The following MTMR6 variants were observed in gnomAD, a reference collection of about 807,000 sequenced individuals.
The protein encoded by MTMR6 is phosphatidylinositol-3,5-bisphosphate 3-phosphatase MTMR6.
In MTMR6, 47 loss-of-function variants were observed where a neutral mutation model predicts 80.1. That is an observed-to-expected ratio of 0.59 (90% CI 0.46 to 0.75). The LOEUF (loss-of-function observed/expected upper bound fraction) is 0.75, where lower values mean the gene tolerates loss of function less well. Among genes scored for constraint, MTMR6 ranks in the 30% least tolerant of loss-of-function variants. MTMR6 has a pLI of 0.00. For synonymous variants in MTMR6, 254 were observed against 253.0 expected (o/e 1.00, Z -0.04); for missense variants, 629 against 730.9 (o/e 0.86, Z 1.61).
chr13:25,275,928 G>C (rs1191590311), intron 1 of MTMR6, among the ~76,000 whole-genome samples: 2 of 149,840 alleles, frequency 1.3e-5, no homozygotes, highest in Non-Finnish European at 3.0e-5. Context: ...GAGGGGAGAG[G>C]AAGGCTTTCT....
intron 2 of MTMR6, 118 bp downstream of exon 2, chr13:25,273,953 A>ATT: frequency 1.5e-6 from 1 of 681,602 alleles, no homozygotes; most frequent in Non-Finnish European, 2.5e-6. Flanking sequence ...ACCAAAAAAT[A>ATT]TTTTGGTTGA....
Position 25,257,723 on chromosome 13 carries a change from G to A in MTMR6, c.969+13C>T, listed in dbSNP as rs369050523. 25 of 1,579,804 alleles carry A rather than the reference G, an allele frequency of 1.6e-5. No individual in the cohort carries two copies. Among genetic ancestry groups the A allele is most frequent in the Non-Finnish European group, 2.1e-5 (24 of 1,150,236 alleles). ...ATAGACCCCAAGACCAAATATGAAAGATAAAGTATTACTTTGGCCAAGAAG... is the reference window on the plus strand; with the variant it reads ...ATAGACCCCAAGACCAAATATGAAAAATAAAGTATTACTTTGGCCAAGAAG... On this transcript the variant is annotated intron_variant, in intron 8 of 13. Transcript: ENST00000381801.
intron 2 of MTMR6, among the ~76,000 whole-genome samples, chr13:25,268,809 C>T (rs1014371384): frequency 2.0e-5 from 3 of 152,146 alleles, no homozygotes; most frequent in African/African-American, 7.2e-5. Flanking sequence ...GCAGGAGCCA[C>T]ACTCCCGGGC....
chr13:25,253,738 A>G, intron 11 of MTMR6, 26 bp downstream of exon 11: 1 of 1,594,476 alleles, frequency 6.3e-7, no homozygotes, highest in African/African-American at 1.3e-5. Flanking sequence ...GGGGAAAAGG[A>G]GACTCTTTTA....
chr13:25,254,470 C>A, intron 9 of MTMR6, 36 bp from the exon 10 acceptor site: 1 of 1,306,542 alleles, frequency 7.7e-7, no homozygotes, highest in Non-Finnish European at 1.1e-6. Flanking sequence ...TTTCTGACTA[C>A]TTTCAATTAT....
At chr13:25,269,174 A>G (rs1957515438) in intron 2 of MTMR6, among the ~76,000 whole-genome samples, 1 of 152,112 alleles carries the variant, frequency 6.6e-6, no homozygotes, top group Non-Finnish European at 1.5e-5. Context: ...GTTGATCAAC[A>G]TTACATCTCC....
chr13:25,261,306 A>T (rs1329102315), intron 6 of MTMR6, among the ~76,000 whole-genome samples: 2 of 109,896 alleles, frequency 1.8e-5, no homozygotes, highest in Non-Finnish European at 3.8e-5. Context: ...TCTGTCTTAA[A>T]AAAAAAAAAA....
chr13:25,263,648 A>G (rs1957388304), intron 5 of MTMR6, among the ~76,000 whole-genome samples: 1 of 152,230 alleles, frequency 6.6e-6, no homozygotes, highest in Non-Finnish European at 1.5e-5. Context: ...GCACTTTGGG[A>G]GGCCGAGGCC....
chr13:25,263,835 G>A (rs1175028393), intron 5 of MTMR6, among the ~76,000 whole-genome samples: 2 of 152,116 alleles, frequency 1.3e-5, no homozygotes, highest in African/African-American at 2.4e-5. Flanking sequence ...GCAGTGAGCC[G>A]AGATTGTGCC....
intron 5 of MTMR6, among the ~76,000 whole-genome samples, chr13:25,265,085 T>C (rs569083438): frequency 6.6e-6 from 1 of 152,298 alleles, no homozygotes; most frequent in Non-Finnish European, 1.5e-5. Context: ...TTACAGCATC[T>C]CACTATAAAG....
chr13:25,268,064 C>CTTCA, intron 2 of MTMR6, 123 bp from the exon 3 acceptor site: 1 of 922,174 alleles, frequency 1.1e-6, no homozygotes, highest in Middle Eastern at 2.3e-4. Flanking sequence ...CTCACTCAAA[C>CTTCA]TTCACGTTTT....
At chr13:25,284,257 T>C (rs1422341499) in intron 1 of MTMR6, among the ~76,000 whole-genome samples, 4 of 152,162 alleles carry the variant, frequency 2.6e-5, no homozygotes, top group African/African-American at 9.7e-5. Flanking sequence ...ATACATAGTC[T>C]TTGGAGTTAA....
intron 11 of MTMR6, 57 bp from the exon 12 acceptor site, chr13:25,252,041 T>G: frequency 6.5e-7 from 1 of 1,539,204 alleles, no homozygotes; most frequent in Non-Finnish European, 8.8e-7. Context: ...GTAGTAATGG[T>G]AATATTCATT....
At chr13:25,269,158 T>C (rs1957514872) in intron 2 of MTMR6, among the ~76,000 whole-genome samples, 1 of 152,140 alleles carries the variant, frequency 6.6e-6, no homozygotes, top group Admixed American at 6.5e-5. Context: ...GGTGGCATGG[T>C]GCAGAGTTGA....
At position 25,249,362 on chromosome 13, in the gene MTMR6, T is replaced by C; in HGVS notation, c.1736A>G (p.Asn579Ser). The C allele has an allele frequency of 6.2e-7, 1 of 1,614,148 alleles. No homozygotes were observed. The highest frequency in any genetic ancestry group is 1.1e-5 in the South Asian group (1 of 91,080). Residue 579 changes from asparagine (N) to serine (S), a missense_variant, in exon 14 of 14, where the codon AAT becomes AGT. Transcript: ENST00000381801. ...CFKEQTLLPV[N>S]DALRTIEGSS... ...GCCCTCTATAGTTCGAAGAGCATCA[T>C]TTACGGGTAGCAGAGTCTGCTCTTT...
intron 9 of MTMR6, among the ~76,000 whole-genome samples, chr13:25,255,391 T>C (rs1957178872): frequency 6.6e-6 from 1 of 152,248 alleles, no homozygotes; most frequent in Non-Finnish European, 1.5e-5. Context: ...ATGTATTCTT[T>C]GGCTTATCTC....
Position 25,287,285 on chromosome 13 carries a change from G to T in MTMR6, c.-38C>A. The T allele has an allele frequency of 6.3e-7, 1 of 1,579,616 alleles. No homozygotes were observed. The highest frequency in any genetic ancestry group is 8.6e-7 in the Non-Finnish European group (1 of 1,166,064). On this transcript the variant is annotated 5_prime_UTR_variant, in exon 1 of 14. Coordinates refer to ENST00000381801, the MANE Select transcript of MTMR6 (RefSeq NM_004685.5). ...TCAGCCGGCAGCCGGTCTCACAGGC[G>T]TACCATACGGCTACAGAAACAGGGC...
chr13:25,268,441 T>C (rs1291530686), intron 2 of MTMR6, among the ~76,000 whole-genome samples: 2 of 152,090 alleles, frequency 1.3e-5, no homozygotes, highest in Non-Finnish European at 2.9e-5. Flanking sequence ...AGCCTTCTTT[T>C]GGCTCCTCAA....
chr13:25,266,134 A>G lies in MTMR6; in HGVS notation c.457T>C (p.Tyr153His), dbSNP rs992398069. 3.1e-6 allele frequency: 5 copies of G among 1,613,594 alleles called. No homozygotes were observed. Among genetic ancestry groups the G allele is most frequent in the African/African-American group, 1.3e-5 (1 of 74,908 alleles). Residue 153 changes from tyrosine to histidine, a missense_variant, in exon 4 of 14, where the codon TAC (tyrosine) becomes CAC (histidine). By Grantham distance (83) the Tyr-to-His change is moderately conservative (BLOSUM62 2). Coordinates refer to ENST00000381801, the MANE Select transcript of MTMR6 (RefSeq NM_004685.5). ...CCAAAATGTTGTTAAGGTACCTTGT[A>G]GTCCCGGTTGGCATCAGACAACTGC... ...HWQLSDANRD[Y>H]KICETYPREL...
Sources: allele counts gnomAD v4.1 joint callset (sites outside exome capture counted in the v4.1 genomes callset), GRCh38; gene constraint gnomAD v4.1.1; transcripts MANE v1.5; gene names NCBI Gene and HGNC (gene_info 2026-07-23, HGNC 2026-07-21).